PTK2B: variants seen among roughly 807,000 people sequenced by gnomAD.
PTK2B encodes the protein protein-tyrosine kinase 2-beta.
PTK2B carries 71 observed loss-of-function variants against 142.9 expected under a neutral mutation model. That is an observed-to-expected ratio of 0.50 (90% CI 0.41 to 0.61). The LOEUF is 0.61. Ranked by LOEUF, PTK2B falls within the 20% of genes least tolerant of loss-of-function variation. The pLI, the probability that PTK2B is intolerant of heterozygous loss-of-function variation, is 0.00. For missense variants in PTK2B, 1,105 were observed against 1,320.4 expected (o/e 0.84, Z 2.53); for synonymous variants, 519 against 503.4 (o/e 1.03, Z -0.42).
intron 23 of PTK2B, among the ~76,000 whole-genome samples, chr8:27,444,680 G>A (rs888510689): frequency 6.6e-6 from 1 of 152,106 alleles, no homozygotes; most frequent in African/African-American, 2.4e-5. Context: ...AGACAGCAGG[G>A]TTTTACCTGA....
intron 1 of PTK2B, among the ~76,000 whole-genome samples, chr8:27,385,188 A>G (rs1362243583): frequency 6.6e-6 from 1 of 152,156 alleles, no homozygotes; most frequent in Admixed American, 6.5e-5. Flanking sequence ...CTCATTGTGC[A>G]TGGAAAGTGC....
intron 28 of PTK2B, 122 bp downstream of exon 28, chr8:27,453,282 G>T: frequency 7.5e-7 from 1 of 1,340,490 alleles, no homozygotes; most frequent in South Asian, 1.3e-5. Context: ...TCATGATACA[G>T]ATGAAGCCCG....
rs12675058 is a variant in PTK2B at position 27,319,741 on chromosome 8, A to G, written c.-413-2661A>G. Among the ~76,000 whole-genome samples the G allele has an allele frequency of 4.5e-3, 686 of 152,212 alleles. 6 individuals carry two copies. Among genetic ancestry groups the G allele is most frequent in the East Asian group, 0.036 (186 of 5,186 alleles). ...AGCAAGGAAATGCACATGTACTTCTAGTTTTTCTAACATCCCATAAGGTAA... is the reference window on the plus strand; with the variant it reads ...AGCAAGGAAATGCACATGTACTTCTGGTTTTTCTAACATCCCATAAGGTAA... On this transcript the variant is annotated intron_variant, in intron 3 of 35. Coordinates refer to the PTK2B transcript ENST00000397501.
chr8:27,408,917 G>A (rs1469504003), intron 2 of PTK2B, among the ~76,000 whole-genome samples: 1 of 152,184 alleles, frequency 6.6e-6, no homozygotes, highest in Non-Finnish European at 1.5e-5. Context: ...AGATCAAGGT[G>A]TCAGCAGGGC....
intron 27 of PTK2B, chr8:27,452,832 G>T: frequency 1.9e-6 from 1 of 529,198 alleles, no homozygotes; most frequent in Non-Finnish European, 3.4e-6. Context: ...TGTCCATCAG[G>T]CAGGAAGCCC....
At chr8:27,416,486 AAATT>A (rs1809407838) in intron 2 of PTK2B, among the ~76,000 whole-genome samples, 1 of 152,088 alleles carries the variant, frequency 6.6e-6, no homozygotes, top group African/African-American at 2.4e-5. Flanking sequence ...CCATATACAA[AAATT>A]AATTCACAAT....
intron 1 of PTK2B, among the ~76,000 whole-genome samples, chr8:27,365,638 AATG>A (rs1190009655): frequency 2.0e-5 from 3 of 150,932 alleles, no homozygotes; most frequent in Non-Finnish European, 2.9e-5. Flanking sequence ...ATGGTAGAAG[AATG>A]ATAATACCAA....
At chr8:27,404,717 T>C (rs1052206140) in intron 2 of PTK2B, among the ~76,000 whole-genome samples, 9 of 152,290 alleles carry the variant, frequency 5.9e-5, no homozygotes, top group South Asian at 2.1e-4. Context: ...TCAGAACCCA[T>C]TGACTTTCCC....
intron 1 of PTK2B, among the ~76,000 whole-genome samples, chr8:27,390,273 T>C (rs886703692): frequency 1.3e-5 from 2 of 152,084 alleles, no homozygotes; most frequent in Non-Finnish European, 2.9e-5. Flanking sequence ...CACGGAGCAC[T>C]GGAGGTAGAA....
In PTK2B at chr8:27,430,150, C is replaced by T. The variant is rs775178807; in HGVS notation, c.609C>T (p.Leu203=). ...TTGACAAGAAGTCCAACTTCGAGCT[C>T]CTAGAGTAAGTTCTGGGATCACCCA... ...NALDKKSNFE[L]LEKEVGLDLF... The change falls in exon 6 of 31, where the codon CTC becomes CTT. Residue 203 remains leucine, a synonymous_variant. Transcript: ENST00000346049. The T allele has an allele frequency of 6.2e-6, 10 of 1,613,308 alleles. No individual in the cohort carries two copies. The South Asian group carries it at 8.8e-5, about 14-fold the overall frequency.
chr8:27,458,798 AG>A lies in PTK2B; in HGVS notation c.*294del. ...CTCCCTAAGCCAGCCTGGTCCATGC[AG>A]GGGGCTCCTGGGGGTGGGGAGGTGT... On this transcript the variant is annotated 3_prime_UTR_variant, in exon 31 of 31. Transcript: ENST00000346049. The A allele has an allele frequency of 4.0e-6, 2 of 505,108 alleles. No homozygotes were observed. The highest frequency in any genetic ancestry group is 5.5e-4 in the Middle Eastern group (1 of 1,830). 31.3% of individuals were successfully genotyped at this position (505,108 alleles called of 1,614,324 possible).
chr8:27,451,142 G>A, intron 26 of PTK2B, 64 bp downstream of exon 26: 1 of 1,555,670 alleles, frequency 6.4e-7, no homozygotes, highest in Non-Finnish European at 8.9e-7. Flanking sequence ...CCCACCATAG[G>A]ACCCCCCGCC....
upstream of PTK2B, chr8:27,311,319 G>T: frequency 7.1e-7 from 1 of 1,406,412 alleles, no homozygotes. Flanking sequence ...CGACCCGAGT[G>T]CTGGGAATCG....
intron 1 of PTK2B, among the ~76,000 whole-genome samples, chr8:27,331,068 C>A (rs1370287987): frequency 6.6e-6 from 1 of 152,344 alleles, no homozygotes; most frequent in East Asian, 1.9e-4. Flanking sequence ...TCCACCCACA[C>A]AGAATCTGGT....
chr8:27,336,766 G>A (rs777838899), intron 1 of PTK2B, among the ~76,000 whole-genome samples: 2 of 152,162 alleles, frequency 1.3e-5, no homozygotes, highest in Non-Finnish European at 2.9e-5. Flanking sequence ...CATGTTCTGT[G>A]GGCATCATAG....
intron 5 of PTK2B, among the ~76,000 whole-genome samples, chr8:27,429,201 G>A (rs928586423): frequency 6.6e-6 from 1 of 152,104 alleles, no homozygotes; most frequent in Non-Finnish European, 1.5e-5. Context: ...CAACACATTC[G>A]GCCTAACCTT....
chr8:27,454,439 C>G lies in PTK2B; in HGVS notation c.2734-92C>G, dbSNP rs1045943211. On this transcript the variant is annotated intron_variant, in intron 29 of 30. Transcript: ENST00000346049. ...TGAGTCCCAGGCCACTCGCGGGGGA[C>G]AAGCACCACCCCAGGAGAGCTCTTC... 5.2e-6 allele frequency: 8 copies of G among 1,553,032 alleles called. No individual in the cohort carries two copies. In the African/African-American group the frequency reaches 9.5e-5, roughly 19 times the overall value.
intron 2 of PTK2B, among the ~76,000 whole-genome samples, chr8:27,406,251 T>C (rs955537359): frequency 1.1e-4 from 15 of 134,902 alleles, no homozygotes; most frequent in African/African-American, 4.5e-4. Flanking sequence ...CAGAGTGATC[T>C]CATCTTGAGA....
chr8:27,315,077 A>C (rs1337628482), intron 3 of PTK2B, among the ~76,000 whole-genome samples: 1 of 152,238 alleles, frequency 6.6e-6, no homozygotes, highest in African/African-American at 2.4e-5. Context: ...AGACCTTTAA[A>C]GTTCTTAATA....
Sources: allele counts gnomAD v4.1 joint callset (sites outside exome capture counted in the v4.1 genomes callset), GRCh38; gene constraint gnomAD v4.1.1; transcripts MANE v1.5; gene names NCBI Gene and HGNC (gene_info 2026-07-23, HGNC 2026-07-21).